Variants in ZNF750 observed in about 807,000 individuals in gnomAD.
ZNF750 encodes zinc finger protein 750.
ZNF750 carries 10 observed loss-of-function variants against 31.6 expected under a neutral mutation model. That is an observed-to-expected ratio of 0.32 (90% CI 0.19 to 0.54). The LOEUF (loss-of-function observed/expected upper bound fraction) is 0.54, where lower values mean the gene tolerates loss of function less well. ZNF750 is among the 20% of genes least tolerant of loss of function. ZNF750 has a pLI of 0.95. For missense variants in ZNF750, 914 were observed against 934.9 expected (o/e 0.98, Z 0.29); for synonymous variants, 400 against 404.9 (o/e 0.99, Z 0.15).
In ZNF750 at chr17:82,832,042, C is replaced by A; in HGVS notation, c.413G>T (p.Cys138Phe). The A allele has an allele frequency of 6.2e-7, 1 of 1,613,182 alleles. No homozygotes were observed. The highest frequency in any genetic ancestry group is 8.5e-7 in the Non-Finnish European group (1 of 1,179,244). Residue 138 changes from cysteine (C) to phenylalanine (F), a missense_variant, in exon 2 of 3, where the codon TGC becomes TTC. Transcript: ENST00000269394. The surrounding 1 kb of genome is among the most constrained non-coding windows in gnomAD (Gnocchi z 4.9). ...GGCGGCTTCCGGAGCTGGGCTCTTG[C>A]AGGGTGATGCCCTGTGGAGGGCTGG... ...QKPALHRASP[C>F]KSPAPEAALG...
rs1340543319 is a variant in ZNF750 at position 82,830,644 on chromosome 17, T to A, written c.1670A>T (p.Asp557Val). The A allele has an allele frequency of 6.2e-7, 1 of 1,613,216 alleles. No homozygotes were observed. The highest frequency in any genetic ancestry group is 8.5e-7 in the Non-Finnish European group (1 of 1,179,740). The change falls in exon 3 of 3, where the codon GAC (aspartate) becomes GTC (valine). Residue 557 changes from aspartate to valine, a missense_variant. Transcript: ENST00000269394. The part of the protein sequence containing the change: ...QDLPLNLSVK[D>V]PCNTQAPRPA... ...CCTCGGAGCCTGGGTGTTACAGGGG[T>A]CCTTCACCGAGAGATTGAGTGGAAG... is the stretch of plus-strand genomic sequence containing the variant.
chr17:82,830,902 A>G, intron 2 of ZNF750, 25 bp from the exon 3 acceptor site: 2 of 1,612,818 alleles, frequency 1.2e-6, no homozygotes, highest in Admixed American at 1.7e-5. Flanking sequence ...GAAAAAGCTT[A>G]GTAGGAGCTT....
chr17:82,835,115 AT>A lies in ZNF750; in HGVS notation c.-182-2480del, dbSNP rs934059790. ...TTAAGAAAACTGTTTCAACTGCAGT[AT>A]TTTTTTTAAGGAATGGGCAGATGTG... is the stretch of plus-strand genomic sequence containing the variant. On this transcript the variant is annotated intron_variant, in intron 1 of 2. Coordinates refer to ENST00000269394, the MANE Select transcript of ZNF750 (RefSeq NM_024702.3). This position sits in a 1 kb window ranked among gnomAD's most constrained non-coding sequence, Gnocchi z 4.5. Among the ~76,000 whole-genome samples the A allele has an allele frequency of 1.2e-4, 18 of 152,106 alleles. No individual in the cohort carries two copies. In the East Asian group the frequency reaches 2.5e-3, roughly 21 times the overall value.
At position 82,832,181 on chromosome 17, in the gene ZNF750, C is replaced by T. The variant is rs377414981; in HGVS notation, c.274G>A (p.Ala92Thr). Residue 92 changes from alanine (A) to threonine (T), a missense_variant, in exon 2 of 3, where the codon GCA becomes ACA. Ala to Thr is a moderately conservative substitution (Grantham distance 58). Transcript: ENST00000269394. This position sits in a 1 kb window ranked among gnomAD's most constrained non-coding sequence, Gnocchi z 4.9. The part of the protein sequence containing the change: ...TAKPASSKSV[A>T]NGLSAFDSKL... ...GAGTCGAAGGCAGAGAGTCCATTTG[C>T]GACAGACTTGGAAGAGGCTGGCTTC... is the stretch of plus-strand genomic sequence containing the variant. 54 of 1,614,096 alleles carry T rather than the reference C, an allele frequency of 3.3e-5. No individual in the cohort carries two copies. The highest frequency in any genetic ancestry group is 1.6e-4 in the Middle Eastern group (1 of 6,084).
At position 82,831,247 on chromosome 17, in the gene ZNF750, C is replaced by A; in HGVS notation, c.1208G>T (p.Arg403Leu). 1 of 1,613,850 alleles carries A rather than the reference C, an allele frequency of 6.2e-7. No homozygotes were observed. ...RDTEGSKMSPRAGSAATGSPG... is the reference protein window; with the variant it reads ...RDTEGSKMSPLAGSAATGSPG... ...GGAGCCCGTGGCTGCACTCCCTGCGCGGGGGCTCATTTTGGACCCTTCCGT... is the reference window on the plus strand; with the variant it reads ...GGAGCCCGTGGCTGCACTCCCTGCGAGGGGGCTCATTTTGGACCCTTCCGT... The change falls in exon 2 of 3, where the codon CGC becomes CTC. Residue 403 changes from arginine (R) to leucine (L), a missense_variant. By Grantham distance (102) the Arg-to-Leu change is moderately radical. Around this residue, in one of 2 missense-constraint regions of ZNF750, gnomAD observed 880 missense variants for 868.9 expected, o/e 1.01. Coordinates refer to ENST00000269394, the MANE Select transcript of ZNF750 (RefSeq NM_024702.3). The surrounding 1 kb of genome is among the most constrained non-coding windows in gnomAD (Gnocchi z 4.6).
chr17:82,830,388 C>T lies in ZNF750; in HGVS notation c.1926G>A (p.Ala642=), dbSNP rs145009824. The T allele has an allele frequency of 1.2e-4, 189 of 1,612,296 alleles. No homozygotes were observed. The African/African-American group carries it at 2.2e-3, about 19-fold the overall frequency. Residue 642 remains alanine (A), a synonymous_variant, in exon 3 of 3, where the codon GCG becomes GCA. Transcript: ENST00000269394. ...CCCGGATGTTCCTGGGGCTGTAGGC[C>T]GCCAGCTGGCACAGGGCCACGGCTG... The part of the protein sequence containing the change: ...QTAAVALCQL[A]AYSPRNIRVG...
chr17:82,830,659 T>C lies in ZNF750; in HGVS notation c.1655A>G (p.Asn552Ser), dbSNP rs60139844. 6.2e-7 allele frequency: 1 copy of C among 1,613,174 alleles called. No individual in the cohort carries two copies. Among genetic ancestry groups the C allele is most frequent in the Admixed American group, 1.7e-5 (1 of 59,948 alleles). Reference sequence around the variant, plus strand: ...GTTACAGGGGTCCTTCACCGAGAGATTGAGTGGAAGGTCCTGCAGCTCTGA... The same window carrying C: ...GTTACAGGGGTCCTTCACCGAGAGACTGAGTGGAAGGTCCTGCAGCTCTGA... ...SFSELQDLPL[N>S]LSVKDPCNTQ... Residue 552 changes from asparagine (N) to serine (S), a missense_variant, in exon 3 of 3, where the codon AAT becomes AGT. By Grantham distance (46) the Asn-to-Ser change is conservative (BLOSUM62 1). This residue lies in a region of ZNF750 where 880 missense variants were observed against 868.9 expected (regional missense o/e 1.01). Coordinates refer to ENST00000269394, the MANE Select transcript of ZNF750 (RefSeq NM_024702.3).
At chr17:82,838,569 C>A in intron 1 of ZNF750, 1 of 833,368 alleles carries the variant, frequency 1.2e-6, no homozygotes, top group Non-Finnish European at 1.4e-6. Context: ...TGTTGCATAA[C>A]TCAAGGACAC....
Position 82,837,982 on chromosome 17 carries a change from A to G in ZNF750, c.-183+1945T>C, listed in dbSNP as rs77969300. On this transcript the variant is annotated intron_variant, in intron 1 of 2. Coordinates refer to ENST00000269394, the MANE Select transcript of ZNF750 (RefSeq NM_024702.3). ...GCTTTCACCAGGCTTTTCTTGCCAT[A>G]TTTACAGATGCCACTCTGTGCCTTT... Among the ~76,000 whole-genome samples the G allele has an allele frequency of 3.4e-3, 511 of 152,328 alleles. 6 individuals carry two copies. Among genetic ancestry groups the G allele is most frequent in the African/African-American group, 0.012 (495 of 41,578 alleles).
rs141969015 is a variant in ZNF750 at position 82,833,948 on chromosome 17, G to GT, written c.-182-1313dup. 0.12 allele frequency among the ~76,000 whole-genome samples: 18,040 copies of GT among 148,046 alleles called. 1,428 individuals are homozygous for GT. The highest frequency in any genetic ancestry group is 0.33 in the South Asian group (1,535 of 4,612). On this transcript the variant is annotated intron_variant, in intron 1 of 2. Coordinates refer to ENST00000269394, the MANE Select transcript of ZNF750 (RefSeq NM_024702.3). This position sits in a 1 kb window ranked among gnomAD's most constrained non-coding sequence, Gnocchi z 4.7. ...ACGCCCAAGGCTGAGAACAAAGGCT[G>GT]TTTTTCTTTTTTTGAGACAGAGTTT...
intron 1 of ZNF750, among the ~76,000 whole-genome samples, chr17:82,838,166 G>A (rs1370781013): frequency 1.3e-5 from 2 of 152,196 alleles, no homozygotes; most frequent in Admixed American, 1.3e-4. Context: ...AGTGGTTTCG[G>A]TTGGCCATGG....
rs1232421110 is a variant in ZNF750, at chr17:82,832,743, A to G, written c.-182-107T>C. On this transcript the variant is annotated intron_variant, in intron 1 of 2. Transcript: ENST00000269394. The surrounding 1 kb of genome is among the most constrained non-coding windows in gnomAD (Gnocchi z 4.9). The stretch of plus-strand genomic sequence containing the variant: ...AGGATCCCTGAAGCAGAACCCCTGA[A>G]GGGCTGAAACTGCCTGCTCCTGAGG... The G allele has an allele frequency of 4.2e-6, 2 of 481,066 alleles. No homozygotes were observed. Among genetic ancestry groups the G allele is most frequent in the Non-Finnish European group, 7.6e-6 (2 of 263,762 alleles). 29.8% of individuals were successfully genotyped at this position (481,066 alleles called of 1,614,324 possible).
chr17:82,831,028 G>T lies in ZNF750; in HGVS notation c.1427C>A (p.Ser476Tyr). 6.2e-7 allele frequency: 1 copy of T among 1,614,148 alleles called. No homozygotes were observed. The highest frequency in any genetic ancestry group is 1.1e-5 in the South Asian group (1 of 91,078). ...PAQAAETTAESPVSLNVVNGD... is the reference protein window; with the variant it reads ...PAQAAETTAEYPVSLNVVNGD... ...AATGACATTTTCTTACCTTACTGGA[G>T]ACTCTGCTGTGGTCTCAGCAGCCTG... The change falls in exon 2 of 3, where the codon TCT becomes TAT. Residue 476 changes from serine (S) to tyrosine (Y), a missense_variant. Transcript: ENST00000269394. The surrounding 1 kb of genome is among the most constrained non-coding windows in gnomAD (Gnocchi z 4.6).
At chr17:82,838,831 G>A (rs2054208274) in intron 1 of ZNF750, 1 of 985,298 alleles carries the variant, frequency 1.0e-6, no homozygotes, top group Non-Finnish European at 1.2e-6. Flanking sequence ...TTACAGACCT[G>A]AGCTCGTAAA....
At chr17:82,839,588 G>A (rs563590473) in intron 1 of ZNF750, among the ~76,000 whole-genome samples, 2 of 152,264 alleles carry the variant, frequency 1.3e-5, no homozygotes, top group African/African-American at 4.8e-5. Context: ...CTTACCTCTT[G>A]TTAGCATTTA....
chr17:82,831,455 T>A lies in ZNF750; in HGVS notation c.1000A>T (p.Arg334Ter), dbSNP rs771302178. The A allele has an allele frequency of 6.2e-7, 1 of 1,614,044 alleles. No individual in the cohort carries two copies. Among genetic ancestry groups the A allele is most frequent in the African/African-American group, 1.3e-5 (1 of 74,910 alleles). The change falls in exon 2 of 3, where the codon AGA becomes TGA. Residue 334 changes from arginine (R) to a stop codon, truncating the protein, a stop_gained. Transcript: ENST00000269394. LOFTEE classifies it high-confidence loss of function. This position sits in a 1 kb window ranked among gnomAD's most constrained non-coding sequence, Gnocchi z 4.6. ...PESAFSSYGL[R>*]LPPVTGLTRD... ...GTGAGGCCAGTGACAGGTGGGAGTC[T>A]GAGACCATAGGAGGAAAATGCAGAC...
At chr17:82,836,178 C>G (rs1299148219) in intron 1 of ZNF750, among the ~76,000 whole-genome samples, 1 of 152,262 alleles carries the variant, frequency 6.6e-6, no homozygotes, top group Admixed American at 6.5e-5. Flanking sequence ...AGCAGTTTCC[C>G]TGCCTCCCTT....
chr17:82,830,129 T>A lies in ZNF750; in HGVS notation c.*13A>T. ...GTGGCCGTAGCTCTGTGAACACACG[T>A]GTGAACCCGGCGTTAGGACACCCGG... On this transcript the variant is annotated 3_prime_UTR_variant, in exon 3 of 3. Coordinates refer to ENST00000269394, the MANE Select transcript of ZNF750 (RefSeq NM_024702.3). 6.2e-7 allele frequency: 1 copy of A among 1,613,222 alleles called. No individual in the cohort carries two copies. Among genetic ancestry groups the A allele is most frequent in the Non-Finnish European group, 8.5e-7 (1 of 1,179,978 alleles).
Position 82,830,444 on chromosome 17 carries a change from C to G in ZNF750, c.1870G>C (p.Val624Leu), listed in dbSNP as rs972906743. The change falls in exon 3 of 3, where the codon GTG becomes CTG. Residue 624 changes from valine (V) to leucine (L), a missense_variant. Coordinates refer to ENST00000269394, the MANE Select transcript of ZNF750 (RefSeq NM_024702.3). Reference sequence around the variant, plus strand: ...TGCTTCTGCTCCTCGCTGCTGTCCACCGCGCATGCGTCTGGAGCCTCCTCG... The same window carrying G: ...TGCTTCTGCTCCTCGCTGCTGTCCAGCGCGCATGCGTCTGGAGCCTCCTCG... ...PGEEAPDACA[V>L]DSSEEQKQTA... 1 of 1,612,130 alleles carries G rather than the reference C, an allele frequency of 6.2e-7. No individual in the cohort carries two copies. The highest frequency in any genetic ancestry group is 8.5e-7 in the Non-Finnish European group (1 of 1,179,912).
Sources: allele counts gnomAD v4.1 joint callset (sites outside exome capture counted in the v4.1 genomes callset), GRCh38; gene constraint gnomAD v4.1.1; regional missense constraint gnomAD v4.1.1; non-coding constraint Gnocchi (gnomAD v3.1); transcripts MANE v1.5; gene names NCBI Gene and HGNC (gene_info 2026-07-23, HGNC 2026-07-21).